CTDSPL2: variants seen among roughly 807,000 people sequenced by gnomAD.
The protein encoded by CTDSPL2 is CTD small phosphatase like 2.
A neutral mutation model predicts 60.0 loss-of-function variants in CTDSPL2; 5 were observed. That is an observed-to-expected ratio of 0.08 (90% CI 0.04 to 0.18). The LOEUF is 0.18. Among genes scored for constraint, CTDSPL2 ranks in the 10% least tolerant of loss-of-function variants. The pLI is 1.00. For missense variants in CTDSPL2, 370 were observed against 548.8 expected (o/e 0.67, Z 3.26); for synonymous variants, 186 against 189.3 (o/e 0.98, Z 0.14).
chr15:44,512,487 TG>T (rs1453732826), intron 8 of CTDSPL2, among the ~76,000 whole-genome samples: 1 of 152,208 alleles, frequency 6.6e-6, no homozygotes. Context: ...GCAGAATAGA[TG>T]GGTTGTTCTT....
At chr15:44,494,448 A>C (rs1250442616) in intron 5 of CTDSPL2, among the ~76,000 whole-genome samples, 3 of 151,804 alleles carry the variant, frequency 2.0e-5, no homozygotes, top group Non-Finnish European at 4.4e-5. Context: ...TTGTCTCCAC[A>C]AAAAAATTTT....
At chr15:44,432,375 A>G (rs1474245930) in intron 1 of CTDSPL2, among the ~76,000 whole-genome samples, 1 of 151,932 alleles carries the variant, frequency 6.6e-6, no homozygotes, top group Non-Finnish European at 1.5e-5. Context: ...GCTGGAGTGC[A>G]GTGGGGCAAT....
At chr15:44,495,454 G>T (rs920720201) in intron 5 of CTDSPL2, among the ~76,000 whole-genome samples, 1 of 151,566 alleles carries the variant, frequency 6.6e-6, no homozygotes, top group East Asian at 2.0e-4. Context: ...GGTGGCACAT[G>T]CCTGTAGTCC....
chr15:44,509,314 G>T (rs1392769542), intron 8 of CTDSPL2, among the ~76,000 whole-genome samples: 1 of 151,960 alleles, frequency 6.6e-6, no homozygotes, highest in Non-Finnish European at 1.5e-5. Context: ...TGATTCTCCT[G>T]CTTCAGCCTT....
chr15:44,432,461 AGGC>A (rs144823807), intron 1 of CTDSPL2, among the ~76,000 whole-genome samples: 7,094 of 151,816 alleles, frequency 0.047, 317 homozygotes, highest in East Asian at 0.23. Context: ...CTAGGATTAT[AGGC>A]ACACGCCACC....
chr15:44,446,636 TCAAACAAA>T (rs976483646), intron 1 of CTDSPL2, among the ~76,000 whole-genome samples: 3 of 125,712 alleles, frequency 2.4e-5, no homozygotes, highest in South Asian at 2.6e-4. Context: ...TCTCAAACAA[TCAAACAAA>T]CAAACAAACA....
In CTDSPL2 at chr15:44,526,489, T is replaced by A. The variant is rs2081876007; in HGVS notation, c.*2315T>A. 6.6e-6 allele frequency: 1 copy of A among 152,152 alleles called. No individual in the cohort carries two copies. 9.4% of individuals were successfully genotyped at this position (152,152 alleles called of 1,614,324 possible). ...ACTAGGAGAGTTCCTTTAAGTCAGCTGATCAAGCATAAGATACTTCCGTAA... is the reference window on the plus strand; with the variant it reads ...ACTAGGAGAGTTCCTTTAAGTCAGCAGATCAAGCATAAGATACTTCCGTAA... On this transcript the variant is annotated 3_prime_UTR_variant, in exon 13 of 13. Transcript: ENST00000260327.
intron 11 of CTDSPL2, chr15:44,519,513 G>A: frequency 2.6e-6 from 1 of 382,094 alleles, no homozygotes; most frequent in Non-Finnish European, 4.7e-6. Context: ...AAAAACCTGA[G>A]TAAGAAAACT....
intron 10 of CTDSPL2, 81 bp from the exon 11 acceptor site, chr15:44,519,088 C>A: frequency 2.3e-6 from 2 of 883,060 alleles, no homozygotes; most frequent in Non-Finnish European, 3.1e-6. Flanking sequence ...AACTATAAAG[C>A]CTATGGTGTA....
At chr15:44,441,533 G>A (rs2080085825) in intron 1 of CTDSPL2, among the ~76,000 whole-genome samples, 1 of 152,124 alleles carries the variant, frequency 6.6e-6, no homozygotes, top group African/African-American at 2.4e-5. Flanking sequence ...TCCACACTTT[G>A]CCTTCAGCAG....
rs570045899 is a variant in CTDSPL2 at position 44,458,897 on chromosome 15, T to C, written c.-24-94T>C. ...AGGACTTTTGTTTTTTTAGCCAAGA[T>C]ATTTTTATTATATAAGCTGGGCACA... On this transcript the variant is annotated intron_variant, in intron 1 of 12. Coordinates refer to ENST00000260327, the MANE Select transcript of CTDSPL2 (RefSeq NM_016396.3). The C allele has an allele frequency of 1.1e-5, 9 of 804,018 alleles. No individual in the cohort carries two copies. In the Admixed American group the frequency reaches 3.4e-4, roughly 30 times the overall value. 49.8% of individuals were successfully genotyped at this position (804,018 alleles called of 1,614,324 possible).
intron 8 of CTDSPL2, among the ~76,000 whole-genome samples, chr15:44,511,867 C>CAAAAAAAAAAAAA (rs68063380): frequency 6.5e-5 from 2 of 30,612 alleles, no homozygotes; most frequent in Non-Finnish European, 8.0e-5. Flanking sequence ...GACGGTCTCG[C>CAAAAAAAAAAAAA]AAAAAAAAAA....
chr15:44,513,466 TCAAA>T (rs2081600052), intron 8 of CTDSPL2, among the ~76,000 whole-genome samples: 1 of 152,198 alleles, frequency 6.6e-6, no homozygotes, highest in Non-Finnish European at 1.5e-5. Context: ...AAACTCCATC[TCAAA>T]CAAACAGAAT....
chr15:44,512,214 A>G (rs1313043894), intron 8 of CTDSPL2, among the ~76,000 whole-genome samples: 2 of 152,096 alleles, frequency 1.3e-5, no homozygotes, highest in Non-Finnish European at 2.9e-5. Context: ...AAACAAAAAC[A>G]GCCTGAAACT....
chr15:44,508,873 G>A (rs1595771957), intron 8 of CTDSPL2, among the ~76,000 whole-genome samples: 1 of 152,062 alleles, frequency 6.6e-6, no homozygotes, highest in African/African-American at 2.4e-5. Flanking sequence ...AGCTGAAATC[G>A]CACCACTGCA....
chr15:44,506,793 G>C (rs961987976), intron 8 of CTDSPL2, among the ~76,000 whole-genome samples: 7 of 151,680 alleles, frequency 4.6e-5, no homozygotes, highest in African/African-American at 1.5e-4. Flanking sequence ...TTGAGACAGA[G>C]TCTCGCTCTG....
At chr15:44,480,654 G>A (rs1360454066) in intron 2 of CTDSPL2, among the ~76,000 whole-genome samples, 1 of 152,096 alleles carries the variant, frequency 6.6e-6, no homozygotes, top group Non-Finnish European at 1.5e-5. Context: ...GCAACATAGC[G>A]AGACCCTGTC....
At chr15:44,467,091 A>G (rs559527801) in intron 2 of CTDSPL2, among the ~76,000 whole-genome samples, 3 of 152,344 alleles carry the variant, frequency 2.0e-5, no homozygotes, top group South Asian at 2.1e-4. Context: ...CCACTGTTCT[A>G]TATGTGGTCT....
intron 2 of CTDSPL2, among the ~76,000 whole-genome samples, chr15:44,461,451 C>A (rs1205515605): frequency 1.3e-5 from 2 of 151,844 alleles, no homozygotes; most frequent in Non-Finnish European, 2.9e-5. Context: ...TGCAGTGATA[C>A]TATCATAGCT....
Sources: allele counts gnomAD v4.1 joint callset (sites outside exome capture counted in the v4.1 genomes callset), GRCh38; gene constraint gnomAD v4.1.1; transcripts MANE v1.5; gene names NCBI Gene and HGNC (gene_info 2026-07-23, HGNC 2026-07-21).